The following PCYOX1 variants were observed in gnomAD, a reference collection of about 807,000 sequenced individuals.
PCYOX1 encodes the protein prenylcysteine lyase.
Under a neutral mutation model 46.4 loss-of-function variants are expected in PCYOX1, and 46 were observed. The observed-to-expected ratio is 0.99, with a 90% CI of 0.78 to 1.27. PCYOX1 has a LOEUF of 1.27. PCYOX1 is among the 50% of genes most tolerant of loss of function. PCYOX1 has a pLI of 0.00. For synonymous variants in PCYOX1, 220 were observed against 231.8 expected (o/e 0.95, Z 0.46); for missense variants, 658 against 628.3 (o/e 1.05, Z -0.51).
At chr2:70,260,282 T>C (rs544831450) in intron 2 of PCYOX1, among the ~76,000 whole-genome samples, 1 of 151,744 alleles carries the variant, frequency 6.6e-6, no homozygotes, top group South Asian at 2.1e-4. Context: ...CAGTGGCTCA[T>C]GCCTGTAATC....
intron 1 of PCYOX1, chr2:70,258,517 C>G: frequency 8.7e-6 from 2 of 230,392 alleles, no homozygotes; most frequent in Non-Finnish European, 1.7e-5. Context: ...TGGACGGGGA[C>G]AGGGGCGGGC....
At chr2:70,264,219 C>T (rs1299476611) in intron 3 of PCYOX1, among the ~76,000 whole-genome samples, 3 of 151,778 alleles carry the variant, frequency 2.0e-5, no homozygotes, top group African/African-American at 7.3e-5. Context: ...CTCACCTGGG[C>T]CTCCCAAAGT....
intron 3 of PCYOX1, among the ~76,000 whole-genome samples, chr2:70,272,270 G>A (rs1034498353): frequency 6.6e-6 from 1 of 152,048 alleles, no homozygotes; most frequent in Non-Finnish European, 1.5e-5. Context: ...GGTATTACAG[G>A]CATGCGCCAC....
chr2:70,263,339 G>C (rs1696467083), intron 3 of PCYOX1, among the ~76,000 whole-genome samples: 1 of 152,048 alleles, frequency 6.6e-6, no homozygotes, highest in South Asian at 2.1e-4. Flanking sequence ...TTCCTTAAAT[G>C]CCTTTCCCGT....
chr2:70,261,137 A>G (rs539685045), intron 2 of PCYOX1, 75 bp from the exon 3 acceptor site: 58 of 938,624 alleles, frequency 6.2e-5, no homozygotes, highest in Non-Finnish European at 7.7e-5. Context: ...GGAAGCCCCA[A>G]ATTCACTCAG....
intron 3 of PCYOX1, among the ~76,000 whole-genome samples, chr2:70,263,939 G>A (rs375702994): frequency 5.4e-5 from 8 of 148,982 alleles, no homozygotes; most frequent in Admixed American, 3.4e-4. Context: ...GATTATAGGC[G>A]TGAGCCACTG....
rs1559038141 is a variant in PCYOX1, at chr2:70,276,799, G to A, written c.925G>A (p.Asp309Asn). 1 of 1,612,778 alleles carries A rather than the reference G, an allele frequency of 6.2e-7. No homozygotes were observed. Among genetic ancestry groups the A allele is most frequent in the Non-Finnish European group, 8.5e-7 (1 of 1,178,932 alleles). ...AACTGAGACTCGTTCAGACTTCTAT[G>A]ACATCGTCTTGGTGGCCACTCCGTT... ...IGTETRSDFY[D>N]IVLVATPLNR... is the part of the protein sequence containing the mutation. The change falls in exon 6 of 6, where the codon GAC becomes AAC. Residue 309 changes from aspartate to asparagine, a missense_variant. Coordinates refer to ENST00000433351, the MANE Select transcript of PCYOX1 (RefSeq NM_016297.4).
intron 3 of PCYOX1, among the ~76,000 whole-genome samples, chr2:70,269,494 C>T (rs1445548075): frequency 6.6e-6 from 1 of 152,046 alleles, no homozygotes; most frequent in Non-Finnish European, 1.5e-5. Context: ...CACCACCAAC[C>T]CTGGCTAATT....
intron 3 of PCYOX1, among the ~76,000 whole-genome samples, chr2:70,264,409 C>T (rs1292194936): frequency 3.3e-5 from 5 of 151,854 alleles, no homozygotes; most frequent in African/African-American, 7.3e-5. Flanking sequence ...TCACTGCAAC[C>T]TCTGCCTCCT....
intron 3 of PCYOX1, among the ~76,000 whole-genome samples, chr2:70,272,980 G>A (rs1696622148): frequency 6.6e-6 from 1 of 152,106 alleles, no homozygotes; most frequent in Non-Finnish European, 1.5e-5. Context: ...TTACAGGCAT[G>A]AGCCACCATA....
intron 3 of PCYOX1, among the ~76,000 whole-genome samples, chr2:70,273,366 A>C (rs1443615706): frequency 6.6e-6 from 1 of 152,182 alleles, no homozygotes; most frequent in East Asian, 1.9e-4. Flanking sequence ...CAGTTTTGGC[A>C]TAGATATCGA....
Position 70,280,492 on chromosome 2 carries a change from C to T in PCYOX1, c.*3100C>T, listed in dbSNP as rs1200447788. The T allele has an allele frequency of 6.6e-6, 1 of 152,128 alleles. No homozygotes were observed. Among genetic ancestry groups the T allele is most frequent in the Non-Finnish European group, 1.5e-5 (1 of 68,028 alleles). 9.4% of individuals were successfully genotyped at this position (152,128 alleles called of 1,614,324 possible). ...AAGGGCTTGTTAAAACATCGCTAGG[C>T]TCCACCCTGTTTATTCAATAAGTTT... On this transcript the variant is annotated 3_prime_UTR_variant, in exon 6 of 6. Transcript: ENST00000433351.
chr2:70,265,670 A>C (rs928726901), intron 3 of PCYOX1, among the ~76,000 whole-genome samples: 2 of 152,152 alleles, frequency 1.3e-5, no homozygotes, highest in Admixed American at 1.3e-4. Context: ...GTTTACTCAG[A>C]TGTTTGTGGA....
chr2:70,275,555 G>C lies in PCYOX1; in HGVS notation c.748G>C (p.Val250Leu). ...LSCSDSGLWAVEGGNKLVCSG... is the reference protein window; with the variant it reads ...LSCSDSGLWALEGGNKLVCSG... Reference sequence around the variant, plus strand: ...CTGTTCTGATTCTGGCCTTTGGGCAGTAGAAGGTGGCAATAAACTTGTTTG... The same window carrying C: ...CTGTTCTGATTCTGGCCTTTGGGCACTAGAAGGTGGCAATAAACTTGTTTG... Residue 250 changes from valine (V) to leucine (L), a missense_variant, in exon 5 of 6, where the codon GTA (valine) becomes CTA (leucine). Val to Leu is a conservative substitution (Grantham distance 32). Transcript: ENST00000433351. 1 of 1,614,156 alleles carries C rather than the reference G, an allele frequency of 6.2e-7. No homozygotes were observed. The highest frequency in any genetic ancestry group is 1.1e-5 in the South Asian group (1 of 91,084).
In PCYOX1 at chr2:70,261,397, T is replaced by G; in HGVS notation, c.494+11T>G. 6.4e-7 allele frequency: 1 copy of G among 1,566,120 alleles called. No individual in the cohort carries two copies. Among genetic ancestry groups the G allele is most frequent in the Non-Finnish European group, 8.8e-7 (1 of 1,142,124 alleles). On this transcript the variant is annotated intron_variant, in intron 3 of 5. Coordinates refer to ENST00000433351, the MANE Select transcript of PCYOX1 (RefSeq NM_016297.4). ...AGACAAGTTCATGAGGTAATTTTTT[T>G]TCCTTCCATTTAACCTAAGATCTTT... is the stretch of plus-strand genomic sequence containing the variant.
rs1307401508 is a variant in PCYOX1, at chr2:70,277,179, A to G, written c.1305A>G (p.Ala435=). 6.2e-7 allele frequency: 1 copy of G among 1,614,004 alleles called. No homozygotes were observed. Among genetic ancestry groups the G allele is most frequent in the Non-Finnish European group, 8.5e-7 (1 of 1,179,996 alleles). Residue 435 remains alanine, a synonymous_variant, in exon 6 of 6, where the codon GCA becomes GCG. Coordinates refer to ENST00000433351, the MANE Select transcript of PCYOX1 (RefSeq NM_016297.4). ...ATGCTGTGAAGAAGCCATGGCTTGC[A>G]TATCCTCACTATAAGCCCCCGGAGA... ...YDYAVKKPWL[A]YPHYKPPEKC...
intron 3 of PCYOX1, among the ~76,000 whole-genome samples, chr2:70,270,396 A>G (rs1175202487): frequency 6.6e-6 from 1 of 152,182 alleles, no homozygotes; most frequent in Non-Finnish European, 1.5e-5. Context: ...CAGTATTCTC[A>G]TAGCTTTTAT....
At chr2:70,270,147 A>G (rs1374858182) in intron 3 of PCYOX1, among the ~76,000 whole-genome samples, 1 of 151,984 alleles carries the variant, frequency 6.6e-6, no homozygotes, top group Non-Finnish European at 1.5e-5. Context: ...GGCGTGTGCC[A>G]CCACACCTGG....
Position 70,276,890 on chromosome 2 carries a change from A to G in PCYOX1, c.1016A>G (p.Tyr339Cys), listed in dbSNP as rs372245978. ...CCTCCAATTGAGGAATTCCATCAAT[A>G]TTATCAACATATAGTGACAACTTTA... ...FDPPIEEFHQ[Y>C]YQHIVTTLVK... The change falls in exon 6 of 6, where the codon TAT becomes TGT. Residue 339 changes from tyrosine to cysteine, a missense_variant. Transcript: ENST00000433351. 6 of 1,613,128 alleles carry G rather than the reference A, an allele frequency of 3.7e-6. No individual in the cohort carries two copies. In the African/African-American group the frequency reaches 8.0e-5, roughly 22 times the overall value.
Sources: allele counts gnomAD v4.1 joint callset (sites outside exome capture counted in the v4.1 genomes callset), GRCh38; gene constraint gnomAD v4.1.1; transcripts MANE v1.5; gene names NCBI Gene and HGNC (gene_info 2026-07-23, HGNC 2026-07-21).